MYCBPAP: variants seen among roughly 807,000 people sequenced by gnomAD.
MYCBPAP encodes the protein MYCBP associated protein.
MYCBPAP carries 60 observed loss-of-function variants against 106.1 expected under a neutral mutation model. The observed-to-expected ratio is 0.57, with a 90% CI of 0.46 to 0.70. The LOEUF (loss-of-function observed/expected upper bound fraction) is 0.70, where lower values mean the gene tolerates loss of function less well. Among genes scored for constraint, MYCBPAP ranks in the 30% least tolerant of loss-of-function variants. The probability of loss-of-function intolerance (pLI) is 0.00; values close to 1 mark genes in which losing one functional copy is unlikely to be tolerated. For synonymous variants in MYCBPAP, 407 were observed against 440.6 expected, an observed-to-expected ratio of 0.92 and a Z score of 0.95; for missense variants, 1,064 against 1,169.3, an observed-to-expected ratio of 0.91 and a Z score of 1.31.
In MYCBPAP at chr17:50,523,750, A is replaced by T; in HGVS notation, c.1601A>T (p.Gln534Leu). 6.2e-7 allele frequency: 1 copy of T among 1,614,086 alleles called. No individual in the cohort carries two copies. Among genetic ancestry groups the T allele is most frequent in the African/African-American group, 1.3e-5 (1 of 75,040 alleles). The change falls in exon 12 of 19, where the codon CAG becomes CTG. Residue 534 changes from glutamine (Q) to leucine (L), a missense_variant. Transcript: ENST00000323776. ...QVNLHAVSLTQDVFEDERKVL... is the reference protein window; with the variant it reads ...QVNLHAVSLTLDVFEDERKVL... ...AATCTCCACGCGGTCTCCCTGACCCAGGACGTTTTTGAGGATGAGAGGAAA... is the reference window on the plus strand; with the variant it reads ...AATCTCCACGCGGTCTCCCTGACCCTGGACGTTTTTGAGGATGAGAGGAAA...
Position 50,529,208 on chromosome 17 carries a change from AGCCATTCCCCTGCCTCCCACCT to A in MYCBPAP, c.2724+24_2724+45del. The A allele has an allele frequency of 1.2e-6, 2 of 1,602,008 alleles. No individual in the cohort carries two copies. Among genetic ancestry groups the A allele is most frequent in the Non-Finnish European group, 1.7e-6 (2 of 1,175,436 alleles). On this transcript the variant is annotated intron_variant, in intron 18 of 18. Transcript: ENST00000323776. ...AGTGAGGTGAAGGGAAGCGCCCAGC[AGCCATTCCCCTGCCTCCCACCT>A]GCCTTATTCATTCCGTTCAGTCTGC...
chr17:50,528,953 T>C (rs1013356109), intron 17 of MYCBPAP, 65 bp from the exon 18 acceptor site: 2 of 1,598,744 alleles, frequency 1.3e-6, no homozygotes, highest in Non-Finnish European at 1.7e-6. Context: ...TGAGCTACTG[T>C]TGAGGACATC....
intron 6 of MYCBPAP, 109 bp downstream of exon 6, chr17:50,519,198 G>A: frequency 1.4e-6 from 1 of 731,668 alleles, no homozygotes; most frequent in Non-Finnish European, 2.3e-6. Context: ...CAGCTGGGGA[G>A]AAAAAACCTA....
At chr17:50,508,303 A>G (rs1273783439), upstream of MYCBPAP, 6 of 420,866 alleles carry the variant, frequency 1.4e-5, no homozygotes, top group Admixed American at 4.8e-5. Flanking sequence ...CACCCCTACC[A>G]GCCAGCCACT....
intron 9 of MYCBPAP, among the ~76,000 whole-genome samples, chr17:50,521,763 AAG>A (rs1478720820): frequency 1.3e-5 from 2 of 152,190 alleles, no homozygotes; most frequent in African/African-American, 4.8e-5. Flanking sequence ...TGGCTCTGGC[AAG>A]AGGGCTTAAA....
At chr17:50,522,709 A>AAAAAAAAAAATATATATATATATATATAT in intron 10 of MYCBPAP, 1 of 50,034 alleles carries the variant, frequency 2.0e-5, no homozygotes, top group African/African-American at 1.2e-4. Context: ...AAAAAAAAAA[A>AAAAAAAAAAATATATATATATATATATAT]ATATATATAT....
intron 7 of MYCBPAP, 172 bp downstream of exon 7, chr17:50,519,959 CT>C: frequency 1.5e-6 from 1 of 679,792 alleles, no homozygotes; most frequent in South Asian, 2.1e-5. Flanking sequence ...GCTCCCTCTT[CT>C]TTTTCTTCAG....
rs2034404156 is a variant in MYCBPAP, at chr17:50,524,899, C to A, written c.1658C>A (p.Ala553Glu). ...CAGAGCAAGCTGACTGCCCATGAGG[C>A]AGTCACCGTCGTTCGCGAAGTGCTG... ...VLESKLTAHE[A>E]VTVVREVLQE... is the part of the protein sequence containing the mutation. Residue 553 changes from alanine to glutamate, a missense_variant, in exon 13 of 19, where the codon GCA becomes GAA. Transcript: ENST00000323776. 1.2e-6 allele frequency: 2 copies of A among 1,613,790 alleles called. No homozygotes were observed. The highest frequency in any genetic ancestry group is 1.7e-6 in the Non-Finnish European group (2 of 1,179,988).
At chr17:50,513,260 G>T (rs1247039109) in intron 1 of MYCBPAP, among the ~76,000 whole-genome samples, 1 of 148,470 alleles carries the variant, frequency 6.7e-6, no homozygotes, top group African/African-American at 2.5e-5. Flanking sequence ...GGTGGCGCAT[G>T]CCTGTATTCC....
Position 50,528,275 on chromosome 17 carries a change from G to A in MYCBPAP, c.2407+5G>A, listed in dbSNP as rs2034524313. 6.2e-7 allele frequency: 1 copy of A among 1,610,072 alleles called. No individual in the cohort carries two copies. The highest frequency in any genetic ancestry group is 1.3e-5 in the African/African-American group (1 of 74,992). ...TGAATGTGCCTGAAGAGCAAGGTCA[G>A]ATCTTGTGCAACCAACCACACCTCT... On this transcript the variant is annotated splice_donor_5th_base_variant and intron_variant, in intron 16 of 18. Coordinates refer to ENST00000323776, the MANE Select transcript of MYCBPAP (RefSeq NM_032133.6).
chr17:50,515,260 T>A (rs772879232), intron 1 of MYCBPAP, among the ~76,000 whole-genome samples: 3 of 149,710 alleles, frequency 2.0e-5, no homozygotes, highest in Non-Finnish European at 4.4e-5. Flanking sequence ...CCCCCCACCA[T>A]GTTCCTGTAG....
rs1435983414 is a variant in MYCBPAP, at chr17:50,523,645, C to A, written c.1496C>A (p.Ser499Tyr). 2 of 1,614,218 alleles carry A rather than the reference C, an allele frequency of 1.2e-6. No individual in the cohort carries two copies. Among genetic ancestry groups the A allele is most frequent in the Admixed American group, 1.7e-5 (1 of 60,016 alleles). The change falls in exon 12 of 19, where the codon TCT becomes TAT. Residue 499 changes from serine (S) to tyrosine (Y), a missense_variant. Coordinates refer to ENST00000323776, the MANE Select transcript of MYCBPAP (RefSeq NM_032133.6). Reference protein sequence around the residue: ...EIKTFTFFFKSLTAGVFREFW... With the variant: ...EIKTFTFFFKYLTAGVFREFW... Reference sequence around the variant, plus strand: ...AAAACATTTACCTTCTTCTTCAAGTCTTTGACTGCTGGGGTCTTCAGGGAA... The same window carrying A: ...AAAACATTTACCTTCTTCTTCAAGTATTTGACTGCTGGGGTCTTCAGGGAA...
Position 50,531,439 on chromosome 17 carries a change from C to T in MYCBPAP, c.*11C>T. The stretch of plus-strand genomic sequence containing the variant: ...CGCCTCTGCAGGTGACTCTCGGGCC[C>T]AAGCAACCTTCTGGAAAACGGGTTA... On this transcript the variant is annotated 3_prime_UTR_variant, in exon 19 of 19. Transcript: ENST00000323776. The T allele has an allele frequency of 6.3e-7, 1 of 1,585,734 alleles. No individual in the cohort carries two copies. The highest frequency in any genetic ancestry group is 1.9e-5 in the Admixed American group (1 of 53,934).
chr17:50,531,406 A>T lies in MYCBPAP; in HGVS notation c.2804A>T (p.Glu935Val). Residue 935 changes from glutamate (E) to valine (V), a missense_variant, in exon 19 of 19, where the codon GAG (glutamate) becomes GTG (valine). Transcript: ENST00000323776. ...CTCAGCCCCATAAAGAATGTCGAGG[A>T]GGCTTTGCGCCTCTGCAGGTGACTC... The part of the protein sequence containing the change: ...DELSPIKNVE[E>V]ALRLCR The T allele has an allele frequency of 1.9e-6, 3 of 1,613,034 alleles. No individual in the cohort carries two copies. The highest frequency in any genetic ancestry group is 2.5e-6 in the Non-Finnish European group (3 of 1,179,618).
At chr17:50,508,061 G>T (rs2033678794), upstream of MYCBPAP, among the ~76,000 whole-genome samples, 1 of 152,192 alleles carries the variant, frequency 6.6e-6, no homozygotes, top group African/African-American at 2.4e-5. Flanking sequence ...GCGCGTTGGT[G>T]CGAGTTGGGG....
intron 1 of MYCBPAP, chr17:50,509,065 C>T: frequency 1.4e-6 from 1 of 702,868 alleles, no homozygotes; most frequent in Non-Finnish European, 2.6e-6. Context: ...AGGCAGGATC[C>T]CCGGACTGGA....
At chr17:50,520,530 T>TAAAC (rs1039650760) in intron 7 of MYCBPAP, among the ~76,000 whole-genome samples, 1 of 74,266 alleles carries the variant, frequency 1.3e-5, no homozygotes, top group Non-Finnish European at 2.8e-5. Context: ...AATAAATAAA[T>TAAAC]AAACAAACAA....
In MYCBPAP at chr17:50,519,803, G is replaced by C. The variant is rs369431618; in HGVS notation, c.916+16G>C. Reference sequence around the variant, plus strand: ...GTGGAGACAGGTGAGGCGCAGGGCTGTAAGCCAGCTAGCATCTTGTGCCTG... The same window carrying C: ...GTGGAGACAGGTGAGGCGCAGGGCTCTAAGCCAGCTAGCATCTTGTGCCTG... On this transcript the variant is annotated intron_variant, in intron 7 of 18. Coordinates refer to ENST00000323776, the MANE Select transcript of MYCBPAP (RefSeq NM_032133.6). 1.9e-6 allele frequency: 3 copies of C among 1,610,776 alleles called. No individual in the cohort carries two copies. The highest frequency in any genetic ancestry group is 2.5e-6 in the Non-Finnish European group (3 of 1,178,676).
At chr17:50,513,871 A>G (rs1195570180) in intron 1 of MYCBPAP, among the ~76,000 whole-genome samples, 2 of 152,196 alleles carry the variant, frequency 1.3e-5, no homozygotes, top group African/African-American at 2.4e-5. Context: ...TCAAAGCCCA[A>G]GGCTGCATCC....
Sources: allele counts gnomAD v4.1 joint callset (sites outside exome capture counted in the v4.1 genomes callset), GRCh38; gene constraint gnomAD v4.1.1; transcripts MANE v1.5; gene names NCBI Gene and HGNC (gene_info 2026-07-23, HGNC 2026-07-21).